The following RPH3A variants were observed in gnomAD, a reference collection of about 807,000 sequenced individuals.
The protein encoded by RPH3A is rabphilin 3A.
Under a neutral mutation model 102.2 loss-of-function variants are expected in RPH3A, and 48 were observed. That is an observed-to-expected ratio of 0.47 (90% confidence interval 0.37 to 0.60). The LOEUF is 0.60. RPH3A is among the 20% of genes least tolerant of loss of function. RPH3A has a pLI of 0.00. For synonymous variants in RPH3A, 310 were observed against 324.3 expected (o/e 0.96, Z 0.47); for missense variants, 781 against 910.1 (o/e 0.86, Z 1.83).
At chr12:112,852,558 T>C (rs990085661) in intron 5 of RPH3A, among the ~76,000 whole-genome samples, 1 of 152,200 alleles carries the variant, frequency 6.6e-6, no homozygotes, top group African/African-American at 2.4e-5. Context: ...TCCCAGTTTT[T>C]ATAGCTCTTC....
chr12:112,868,566 C>T lies in RPH3A; in HGVS notation c.581C>T (p.Pro194Leu). The change falls in exon 8 of 22, where the codon CCC becomes CTC. Residue 194 changes from proline to leucine, a missense_variant. Transcript: ENST00000389385. ...GCCCCTGAACAGCCTGCTCCTGAGC[C>T]CAAGCACCCTGCCCGGGCTCCAGCT... ...PAAPEQPAPEPKHPARAPARG... is the reference protein window; with the variant it reads ...PAAPEQPAPELKHPARAPARG... The T allele has an allele frequency of 6.2e-7, 1 of 1,614,124 alleles. No homozygotes were observed. Among genetic ancestry groups the T allele is most frequent in the Non-Finnish European group, 8.5e-7 (1 of 1,180,002 alleles).
intron 1 of RPH3A, among the ~76,000 whole-genome samples, chr12:112,687,767 AG>A (rs1408722488): frequency 2.6e-5 from 4 of 152,162 alleles, no homozygotes; most frequent in African/African-American, 9.7e-5. Flanking sequence ...GAGTGACACT[AG>A]GTGACCTCAG....
chr12:112,832,152 T>G (rs561843851), intron 3 of RPH3A, among the ~76,000 whole-genome samples: 23 of 152,296 alleles, frequency 1.5e-4, no homozygotes, highest in African/African-American at 5.5e-4. Flanking sequence ...CTCTGTCTGT[T>G]CTCTCCTTCG....
At chr12:112,719,037 G>A (rs989866610) in intron 1 of RPH3A, among the ~76,000 whole-genome samples, 20 of 152,190 alleles carry the variant, frequency 1.3e-4, no homozygotes, top group Non-Finnish European at 2.6e-4. Context: ...ACCTCCCAGA[G>A]GTCATTTGGC....
rs775209653 is a variant in RPH3A, at chr12:112,866,793, C to T, written c.397C>T (p.Arg133Cys). Residue 133 changes from arginine (R) to cysteine (C), a missense_variant, in exon 7 of 22, where the codon CGC becomes TGC. By Grantham distance (180) the Arg-to-Cys change is radical. Around this residue, in one of 2 missense-constraint regions of RPH3A, gnomAD observed 730 missense variants for 810.0 expected, o/e 0.90. Coordinates refer to ENST00000389385, the MANE Select transcript of RPH3A (RefSeq NM_001143854.2). ...CTKCGVETNN[R>C]LHSVWLCKIC... is the part of the protein sequence containing the mutation. ...CAAGTGCGGAGTGGAGACCAACAAC[C>T]GCCTGCATTCTGTGTGGCTCTGCAA... 1.4e-5 allele frequency: 22 copies of T among 1,611,702 alleles called. No individual in the cohort carries two copies. The highest frequency in any genetic ancestry group is 2.2e-5 in the South Asian group (2 of 90,452).
chr12:112,704,233 C>T (rs1409765834), intron 1 of RPH3A, among the ~76,000 whole-genome samples: 2 of 152,094 alleles, frequency 1.3e-5, no homozygotes, highest in South Asian at 2.1e-4. Context: ...GGACTACAGG[C>T]GTAAGCCGTC....
At chr12:112,682,709 C>T (rs938046381) in intron 1 of RPH3A, among the ~76,000 whole-genome samples, 2 of 152,162 alleles carry the variant, frequency 1.3e-5, no homozygotes, top group South Asian at 4.1e-4. Context: ...AGAAGTGACA[C>T]CATCACTTCC....
At chr12:112,846,030 A>G (rs1299383988) in intron 4 of RPH3A, among the ~76,000 whole-genome samples, 1 of 152,216 alleles carries the variant, frequency 6.6e-6, no homozygotes, top group Non-Finnish European at 1.5e-5. Flanking sequence ...CAGAGAGGCC[A>G]GTGCAGCTGG....
intron 1 of RPH3A, among the ~76,000 whole-genome samples, chr12:112,678,949 C>T (rs2040207056): frequency 6.6e-6 from 1 of 152,096 alleles, no homozygotes; most frequent in African/African-American, 2.4e-5. Flanking sequence ...TTTGTCCTTT[C>T]TGTCTCTATC....
At chr12:112,860,219 C>G (rs548862140) in intron 5 of RPH3A, among the ~76,000 whole-genome samples, 9 of 152,322 alleles carry the variant, frequency 5.9e-5, no homozygotes, top group Middle Eastern at 3.4e-3. Context: ...GAGCTGCAGG[C>G]AGGCTGCAGG....
chr12:112,609,674 A>T (rs2039623299), intron 1 of RPH3A, among the ~76,000 whole-genome samples: 1 of 152,136 alleles, frequency 6.6e-6, no homozygotes, highest in Non-Finnish European at 1.5e-5. Flanking sequence ...TCATTGCTGC[A>T]TCCCCAGTGC....
chr12:112,665,506 G>C (rs936114734), intron 1 of RPH3A, among the ~76,000 whole-genome samples: 1 of 152,184 alleles, frequency 6.6e-6, no homozygotes, highest in Non-Finnish European at 1.5e-5. Flanking sequence ...CATCTGTAAA[G>C]TAGGGATAAT....
chr12:112,705,868 C>T (rs564413874), intron 1 of RPH3A, among the ~76,000 whole-genome samples: 36 of 152,238 alleles, frequency 2.4e-4, no homozygotes, highest in African/African-American at 8.7e-4. Context: ...CTGTGTCCAT[C>T]CATTCATCCA....
At chr12:112,660,893 A>T (rs1843233181) in intron 1 of RPH3A, among the ~76,000 whole-genome samples, 1 of 152,184 alleles carries the variant, frequency 6.6e-6, no homozygotes, top group East Asian at 1.9e-4. Flanking sequence ...ATAGATTCTC[A>T]TGGGATCTGA....
intron 1 of RPH3A, among the ~76,000 whole-genome samples, chr12:112,690,906 G>A (rs1274472610): frequency 6.6e-6 from 1 of 152,180 alleles, no homozygotes; most frequent in Non-Finnish European, 1.5e-5. Context: ...ACTTGAAGGG[G>A]CAGGAAAGGA....
In RPH3A at chr12:112,833,022, C is replaced by T. The variant is rs543683293; in HGVS notation, c.72-3469C>T. ...CACAATCTTGGCTCGCTGCAACCTT[C>T]GCCTCCCAGGTTCAAGCGATTCTTT... On this transcript the variant is annotated intron_variant, in intron 3 of 21. Coordinates refer to ENST00000389385, the MANE Select transcript of RPH3A (RefSeq NM_001143854.2). Among the ~76,000 whole-genome samples the T allele has an allele frequency of 9.6e-4, 142 of 147,656 alleles. No individual in the cohort carries two copies. In the Middle Eastern group the frequency reaches 0.014, roughly 15 times the overall value.
At chr12:112,784,400 G>T (rs192459563) in intron 1 of RPH3A, among the ~76,000 whole-genome samples, 2 of 152,074 alleles carry the variant, frequency 1.3e-5, no homozygotes, top group African/African-American at 4.8e-5. Flanking sequence ...TCTATCCCAG[G>T]TTCCCCTAAA....
chr12:112,618,778 G>C (rs984102934), intron 1 of RPH3A, among the ~76,000 whole-genome samples: 1 of 152,180 alleles, frequency 6.6e-6, no homozygotes, highest in African/African-American at 2.4e-5. Context: ...TCACAGGGTT[G>C]TATGACTATC....
chr12:112,712,868 G>A (rs2040472341), intron 1 of RPH3A, among the ~76,000 whole-genome samples: 1 of 148,086 alleles, frequency 6.8e-6, no homozygotes, highest in African/African-American at 2.6e-5. Context: ...ACCACACCCA[G>A]CTCACTTTTT....
Sources: gnomAD v4.1 joint callset for allele counts (sites outside exome capture counted in the v4.1 genomes callset) on GRCh38, gnomAD v4.1.1 for gene constraint, gnomAD v4.1.1 regional missense constraint, MANE v1.5 for transcripts, NCBI Gene and HGNC (gene_info 2026-07-23, HGNC 2026-07-21) for gene names.